The following MOXD1 variants were observed in gnomAD, a reference collection of about 807,000 sequenced individuals.
The protein encoded by MOXD1 is monooxygenase DBH like 1.
A neutral mutation model predicts 66.6 loss-of-function variants in MOXD1; 62 were observed. The observed-to-expected ratio is 0.93, with a 90% CI of 0.76 to 1.15. MOXD1 has a LOEUF of 1.15. Among genes scored for constraint, MOXD1 ranks in the 50% most tolerant of loss-of-function variants. MOXD1 has a pLI of 0.00. For missense variants in MOXD1, 847 were observed against 754.6 expected, an observed-to-expected ratio of 1.12 and a Z score of -1.44; for synonymous variants, 303 against 281.9, an observed-to-expected ratio of 1.07 and a Z score of -0.75.
chr6:132,348,916 T>G (rs1375752938), intron 4 of MOXD1, among the ~76,000 whole-genome samples: 2 of 152,182 alleles, frequency 1.3e-5, no homozygotes, highest in East Asian at 3.8e-4. Flanking sequence ...GTGCCAAGTC[T>G]TTCATCTTCT....
chr6:132,323,840 G>A (rs1225542460), intron 7 of MOXD1, 91 bp downstream of exon 7: 6 of 1,330,364 alleles, frequency 4.5e-6, no homozygotes, highest in Middle Eastern at 2.1e-4. Context: ...GAAAGGAATC[G>A]ATAATAAACA....
intron 1 of MOXD1, among the ~76,000 whole-genome samples, chr6:132,375,497 T>G (rs1483456963): frequency 1.3e-5 from 2 of 152,152 alleles, no homozygotes; most frequent in African/African-American, 4.8e-5. Flanking sequence ...TGACCTCTGC[T>G]CACTACAAGC....
chr6:132,328,637 C>T (rs1775245772), intron 4 of MOXD1, 43 bp from the exon 5 acceptor site: 4 of 1,553,096 alleles, frequency 2.6e-6, no homozygotes, highest in Non-Finnish European at 3.5e-6. Context: ...TAAATAAGAC[C>T]ACCCTACAAC....
Position 132,297,952 on chromosome 6 carries a change from G to C in MOXD1, c.1512C>G (p.Thr504=). The stretch of plus-strand genomic sequence containing the variant: ...TGGGACTTTTGATAATGAAAGGCCA[G>C]GTCCTGAATTTAAAAGACACAGTTA... ...GVKEIYRPVT[T]WPFIIKSPKQ... Residue 504 remains threonine, a synonymous_variant, in exon 11 of 12, where the codon ACC becomes ACG. Transcript: ENST00000367963. 6.2e-7 allele frequency: 1 copy of C among 1,603,834 alleles called. No individual in the cohort carries two copies.
intron 4 of MOXD1, 97 bp downstream of exon 4, chr6:132,372,511 A>G (rs1776284018): frequency 1.7e-6 from 2 of 1,172,098 alleles, no homozygotes; most frequent in Non-Finnish European, 2.4e-6. Context: ...CAAATAATTG[A>G]AAAACATTTC....
At chr6:132,303,766 T>TATAC (rs1357897848) in intron 10 of MOXD1, among the ~76,000 whole-genome samples, 1 of 137,104 alleles carries the variant, frequency 7.3e-6, no homozygotes, top group Non-Finnish European at 1.5e-5. Flanking sequence ...TATATATATA[T>TATAC]ATACATACAT....
intron 1 of MOXD1, among the ~76,000 whole-genome samples, chr6:132,383,777 A>G (rs1375045921): frequency 1.3e-5 from 2 of 152,194 alleles, no homozygotes; most frequent in Non-Finnish European, 2.9e-5. Context: ...TTTTTAAAAA[A>G]TTTGGATGAT....
chr6:132,305,213 T>C (rs1774661140), intron 10 of MOXD1, among the ~76,000 whole-genome samples: 1 of 152,246 alleles, frequency 6.6e-6, no homozygotes, highest in African/African-American at 2.4e-5. Context: ...GTCACAAGAC[T>C]TGTTCCCCAC....
Position 132,392,364 on chromosome 6 carries a change from G to C in MOXD1, c.264+8799C>G, listed in dbSNP as rs1776784570. 5 of 1,523,654 alleles carry C rather than the reference G, an allele frequency of 3.3e-6. No homozygotes were observed. In the South Asian group the frequency reaches 6.2e-5, roughly 19 times the overall value. 94.4% of individuals were successfully genotyped at this position (1,523,654 alleles called of 1,614,324 possible). On this transcript the variant is annotated intron_variant, in intron 1 of 11. Coordinates refer to ENST00000367963, the MANE Select transcript of MOXD1 (RefSeq NM_015529.4). ...CAGCGATTTATACCCCCATAAGAAGGGTGAATCAATTTTCATGCAAATTCA... is the reference window on the plus strand; with the variant it reads ...CAGCGATTTATACCCCCATAAGAAGCGTGAATCAATTTTCATGCAAATTCA...
intron 10 of MOXD1, among the ~76,000 whole-genome samples, chr6:132,299,616 C>T (rs1774485744): frequency 6.6e-6 from 1 of 152,006 alleles, no homozygotes; most frequent in South Asian, 2.1e-4. Context: ...ACATAACTTG[C>T]TTGAAAAGAT....
At chr6:132,302,176 C>G (rs950169638) in intron 10 of MOXD1, among the ~76,000 whole-genome samples, 8 of 152,098 alleles carry the variant, frequency 5.3e-5, no homozygotes, top group Non-Finnish European at 5.9e-5. Flanking sequence ...ATTCCCAGAG[C>G]CTGTATAGAG....
chr6:132,343,709 A>G (rs1582584153), intron 4 of MOXD1, among the ~76,000 whole-genome samples: 2 of 152,360 alleles, frequency 1.3e-5, no homozygotes, highest in East Asian at 3.9e-4. Flanking sequence ...ATATTCACCT[A>G]TCAGTTTGGC....
chr6:132,386,651 C>A (rs979772366), intron 1 of MOXD1, among the ~76,000 whole-genome samples: 1 of 151,270 alleles, frequency 6.6e-6, no homozygotes, highest in East Asian at 1.9e-4. Flanking sequence ...TAGCATCACA[C>A]GTAAGTTGGA....
In MOXD1 at chr6:132,372,928, C is replaced by T; in HGVS notation, c.481G>A (p.Asp161Asn). ...DAGEAGPKYH[D>N]SNRGTKSLRL... ...AAACTCTTGGTGCCCCTATTGGAGTCATGGTACTTGGGACCAGCTTCTCCT... is the reference window on the plus strand; with the variant it reads ...AAACTCTTGGTGCCCCTATTGGAGTTATGGTACTTGGGACCAGCTTCTCCT... The change falls in exon 3 of 12, where the codon GAC (aspartate) becomes AAC (asparagine). Residue 161 changes from aspartate to asparagine, a missense_variant. Physicochemically the swap from Asp to Asn is conservative, Grantham distance 23. Coordinates refer to ENST00000367963, the MANE Select transcript of MOXD1 (RefSeq NM_015529.4). 6.2e-7 allele frequency: 1 copy of T among 1,614,032 alleles called. No homozygotes were observed. Among genetic ancestry groups the T allele is most frequent in the Non-Finnish European group, 8.5e-7 (1 of 1,179,936 alleles).
chr6:132,387,642 T>C lies in MOXD1; in HGVS notation c.265-12865A>G, dbSNP rs1163640991. ...GGTGGTGCACGCCTGTAATCCTAGC[T>C]ACTCCGGAGGCTGAGGCAGGAGAAT... On this transcript the variant is annotated intron_variant, in intron 1 of 11. Coordinates refer to ENST00000367963, the MANE Select transcript of MOXD1 (RefSeq NM_015529.4). Among the ~76,000 whole-genome samples the C allele has an allele frequency of 2.0e-5, 3 of 148,566 alleles. 1 individual carries two copies. Among genetic ancestry groups the C allele is most frequent in the African/African-American group, 7.4e-5 (3 of 40,522 alleles).
intron 1 of MOXD1, chr6:132,391,591 T>C (rs1413737996): frequency 2.6e-5 from 4 of 152,214 alleles, no homozygotes; most frequent in Non-Finnish European, 4.4e-5. Flanking sequence ...AGTTTTTTTG[T>C]ATTACGTATG....
intron 4 of MOXD1, among the ~76,000 whole-genome samples, chr6:132,336,355 A>T (rs913771700): frequency 2.0e-5 from 3 of 152,190 alleles, no homozygotes; most frequent in Non-Finnish European, 2.9e-5. Context: ...CTAGCTCCTA[A>T]AGTGATGCTG....
chr6:132,397,665 A>G (rs1450140121), intron 1 of MOXD1, among the ~76,000 whole-genome samples: 1 of 140,602 alleles, frequency 7.1e-6, no homozygotes, highest in Non-Finnish European at 1.6e-5. Flanking sequence ...AAAGAAAGAA[A>G]GAAAGAAAGA....
At chr6:132,390,320 T>C (rs996627221) in intron 1 of MOXD1, 2 of 151,612 alleles carry the variant, frequency 1.3e-5, no homozygotes, top group East Asian at 1.9e-4. Flanking sequence ...GTACACACTA[T>C]GGTTAACGTC....
Sources: gnomAD v4.1 joint callset for allele counts (sites outside exome capture counted in the v4.1 genomes callset) on GRCh38, gnomAD v4.1.1 for gene constraint, MANE v1.5 for transcripts, NCBI Gene and HGNC (gene_info 2026-07-23, HGNC 2026-07-21) for gene names.